IL1RAP: variants seen among roughly 807,000 people sequenced by gnomAD.
IL1RAP encodes the protein interleukin 1 receptor accessory protein.
A neutral mutation model predicts 60.7 loss-of-function variants in IL1RAP; 35 were observed. The observed-to-expected ratio is 0.58, with a 90% CI of 0.44 to 0.76. The LOEUF (loss-of-function observed/expected upper bound fraction) is 0.76. Among genes scored for constraint, IL1RAP ranks in the 30% least tolerant of loss-of-function variants. The pLI, the probability that IL1RAP is intolerant of heterozygous loss-of-function variation, is 0.00. For synonymous variants in IL1RAP, 268 were observed against 250.9 expected (o/e 1.07, Z -0.64); for missense variants, 572 against 693.9 (o/e 0.82, Z 1.97).
chr3:190,613,743 G>C (rs192840996), intron 5 of IL1RAP, among the ~76,000 whole-genome samples: 1 of 151,942 alleles, frequency 6.6e-6, no homozygotes, highest in Non-Finnish European at 1.5e-5. Context: ...TGAGGCAGGA[G>C]AATAGCTTGA....
At chr3:190,620,510 T>C in intron 6 of IL1RAP, 70 bp downstream of exon 6, 6 of 1,298,082 alleles carry the variant, frequency 4.6e-6, no homozygotes, top group Non-Finnish European at 6.5e-6. Context: ...TAATAGTTTA[T>C]TACACACTAG....
chr3:190,558,135 G>A (rs1328587088), intron 2 of IL1RAP, among the ~76,000 whole-genome samples: 1 of 152,134 alleles, frequency 6.6e-6, no homozygotes, highest in African/African-American at 2.4e-5. Context: ...TAGTATTGCT[G>A]AGTATTATTC....
At chr3:190,647,483 C>A (rs887520316) in intron 11 of IL1RAP, among the ~76,000 whole-genome samples, 1 of 152,118 alleles carries the variant, frequency 6.6e-6, no homozygotes, top group Non-Finnish European at 1.5e-5. Context: ...CTAATCAGGG[C>A]CCTTGACAGC....
At position 190,549,094 on chromosome 3, in the gene IL1RAP, A is replaced by C. The variant is rs547487650; in HGVS notation, c.-88-7036A>C. Among the ~76,000 whole-genome samples, 42 of 130,620 alleles carry C rather than the reference A, an allele frequency of 3.2e-4. No individual in the cohort carries two copies. The South Asian group carries it at 9.7e-3, about 30-fold the overall frequency. The allele number at this position is 130,620 out of a possible 152,430, so 85.7% of individuals were successfully genotyped here. A position where few individuals can be genotyped will look rare whatever the true frequency, so the allele number is the denominator to read the frequency against. ...GTGAGAAAAATGGGATTTATTTGGCAAAAAGGAAAAAAAGGGAAACAGGGA... is the reference window on the plus strand; with the variant it reads ...GTGAGAAAAATGGGATTTATTTGGCCAAAAGGAAAAAAAGGGAAACAGGGA... On this transcript the variant is annotated intron_variant, in intron 1 of 11. Coordinates refer to ENST00000447382, the MANE Select transcript of IL1RAP (RefSeq NM_002182.4).
intron 3 of IL1RAP, among the ~76,000 whole-genome samples, chr3:190,570,382 G>A (rs1295680802): frequency 1.3e-5 from 2 of 152,324 alleles, no homozygotes; most frequent in East Asian, 3.9e-4. Flanking sequence ...ACCATATTCT[G>A]TTGTGTTTTA....
chr3:190,630,084 C>G (rs879791278), intron 9 of IL1RAP: 82 of 775,966 alleles, frequency 1.1e-4, no homozygotes, highest in Non-Finnish European at 1.3e-4. Flanking sequence ...TCCAAAAATG[C>G]ATAATTATAA....
At chr3:190,615,061 C>CT (rs3836445) in intron 5 of IL1RAP, among the ~76,000 whole-genome samples, 101,550 of 149,602 alleles carry the variant, frequency 0.68, 34,787 homozygotes, top group East Asian at 0.81. Flanking sequence ...TCTTTCTCCT[C>CT]TTTTTTTTTT....
In IL1RAP at chr3:190,650,172, T is replaced by G. The variant is rs1734311694; in HGVS notation, c.*1467T>G. 5 of 984,610 alleles carry G rather than the reference T, an allele frequency of 5.1e-6. No individual in the cohort carries two copies. Among genetic ancestry groups the G allele is most frequent in the Non-Finnish European group, 6.0e-6 (5 of 829,186 alleles). The allele number at this position is 984,610 out of a possible 1,614,324, so 61.0% of individuals were successfully genotyped here. A position where few individuals can be genotyped will look rare whatever the true frequency, so the allele number is the denominator to read the frequency against. ...ACTCTTGTCCAGTTTTTAAATTATG[T>G]TTTTACTGGAATGTTTTTGTGTCAG... is the stretch of plus-strand genomic sequence containing the variant. On this transcript the variant is annotated 3_prime_UTR_variant, in exon 12 of 12. Coordinates refer to ENST00000447382, the MANE Select transcript of IL1RAP (RefSeq NM_002182.4).
intron 11 of IL1RAP, among the ~76,000 whole-genome samples, chr3:190,646,494 A>G (rs967750830): frequency 3.9e-5 from 6 of 152,186 alleles, no homozygotes; most frequent in Non-Finnish European, 8.8e-5. Context: ...CAGTGTAACT[A>G]GAAGGTTTAA....
Position 190,608,290 on chromosome 3 carries a change from A to G in IL1RAP, c.351-705A>G, listed in dbSNP as rs1052685567. Reference sequence around the variant, plus strand: ...TGTTACTCCTAGGCTACCAACCTGTATAGCAGGTTGTGGTACTGAATACTG... The same window carrying G: ...TGTTACTCCTAGGCTACCAACCTGTGTAGCAGGTTGTGGTACTGAATACTG... On this transcript the variant is annotated intron_variant, in intron 4 of 11. Coordinates refer to ENST00000447382, the MANE Select transcript of IL1RAP (RefSeq NM_002182.4). 2.0e-4 allele frequency among the ~76,000 whole-genome samples: 31 copies of G among 152,186 alleles called. 1 individual carries two copies. Among genetic ancestry groups the G allele is most frequent in the Non-Finnish European group, 3.7e-4 (25 of 68,024 alleles).
rs575288267 is a variant in IL1RAP, at chr3:190,590,723, T to C, written c.65-13405T>C. On this transcript the variant is annotated intron_variant, in intron 3 of 11. Coordinates refer to ENST00000447382, the MANE Select transcript of IL1RAP (RefSeq NM_002182.4). Reference sequence around the variant, plus strand: ...AGAACACATGCAGCGTTATCTTTTTTGGCTCAGTATTAACGTTGTCTGTTC... The same window carrying C: ...AGAACACATGCAGCGTTATCTTTTTCGGCTCAGTATTAACGTTGTCTGTTC... Among the ~76,000 whole-genome samples, 437 of 152,368 alleles carry C rather than the reference T, an allele frequency of 2.9e-3. 4 individuals are homozygous for C. The highest frequency in any genetic ancestry group is 4.0e-3 in the Non-Finnish European group (270 of 68,038).
intron 5 of IL1RAP, among the ~76,000 whole-genome samples, chr3:190,617,621 A>G (rs1230907471): frequency 6.6e-6 from 1 of 152,162 alleles, no homozygotes; most frequent in Non-Finnish European, 1.5e-5. Flanking sequence ...ATTCTTGGAG[A>G]ATCTAAATCT....
intron 4 of IL1RAP, among the ~76,000 whole-genome samples, chr3:190,608,572 C>T (rs537445027): frequency 1.3e-5 from 2 of 151,994 alleles, no homozygotes; most frequent in African/African-American, 4.8e-5. Flanking sequence ...ACCAGCATCA[C>T]CAAAAACGTG....
chr3:190,582,317 C>CTTTTT (rs371785536), intron 3 of IL1RAP, among the ~76,000 whole-genome samples: 6 of 140,520 alleles, frequency 4.3e-5, no homozygotes, highest in African/African-American at 5.2e-5. Flanking sequence ...CTTTTCTTTT[C>CTTTTT]TTTTTTTTTT....
chr3:190,613,254 A>G (rs796765844), intron 5 of IL1RAP, among the ~76,000 whole-genome samples: 12 of 152,318 alleles, frequency 7.9e-5, no homozygotes, highest in African/African-American at 2.9e-4. Context: ...TAACCAAGGT[A>G]TGAAGTAACA....
chr3:190,606,060 T>G (rs545420287), intron 4 of IL1RAP, among the ~76,000 whole-genome samples: 66 of 152,204 alleles, frequency 4.3e-4, no homozygotes, highest in Non-Finnish European at 7.5e-4. Context: ...CAGAAAAGCC[T>G]TTGGATCACT....
intron 3 of IL1RAP, among the ~76,000 whole-genome samples, chr3:190,576,567 C>A (rs1316076554): frequency 1.3e-5 from 2 of 151,976 alleles, no homozygotes; most frequent in Admixed American, 1.3e-4. Flanking sequence ...ATCAGTCTGG[C>A]AGAGATTAAA....
At chr3:190,555,413 A>G (rs931041502) in intron 1 of IL1RAP, among the ~76,000 whole-genome samples, 1 of 152,176 alleles carries the variant, frequency 6.6e-6, no homozygotes, top group Non-Finnish European at 1.5e-5. Context: ...GAAGAGAAAC[A>G]TATAATCTCA....
Position 190,534,926 on chromosome 3 carries a change from A to C in IL1RAP, c.-89+20707A>C, listed in dbSNP as rs1723306106. ...GTGTAAGAGAATTAAAAAAAAAAAA[A>C]AAAAAAAAGAAAACCAGCAAAGTGA... On this transcript the variant is annotated intron_variant, in intron 1 of 11. Transcript: ENST00000447382. 1.3e-5 allele frequency among the ~76,000 whole-genome samples: 2 copies of C among 151,092 alleles called. 1 individual carries two copies. The highest frequency in any genetic ancestry group is 4.2e-4 in the South Asian group (2 of 4,764).
Sources: allele counts gnomAD v4.1 joint callset (sites outside exome capture counted in the v4.1 genomes callset), GRCh38; gene constraint gnomAD v4.1.1; transcripts MANE v1.5; gene names NCBI Gene and HGNC (gene_info 2026-07-23, HGNC 2026-07-21).